AUTS2: variants seen among roughly 807,000 people sequenced by gnomAD.
AUTS2 encodes autism susceptibility gene 2 protein.
Under a neutral mutation model 112.4 loss-of-function variants are expected in AUTS2, and 17 were observed. The observed-to-expected ratio is 0.15, with a 90% CI of 0.10 to 0.23. AUTS2 has a LOEUF of 0.23. AUTS2 is among the 10% of genes least tolerant of loss of function. The probability of loss-of-function intolerance (pLI) is 1.00; values close to 1 mark genes in which losing one functional copy is unlikely to be tolerated. For synonymous variants in AUTS2, 751 were observed against 702.7 expected (o/e 1.07, Z -1.09); for missense variants, 1,510 against 1,701.6 (o/e 0.89, Z 1.98).
At chr7:70,470,391 G>T (rs1356498020) in intron 5 of AUTS2, among the ~76,000 whole-genome samples, 13 of 152,286 alleles carry the variant, frequency 8.5e-5, no homozygotes, top group Non-Finnish European at 1.3e-4. Flanking sequence ...GATGTTTAAG[G>T]TAAAGAGAGC....
chr7:69,920,735 A>G (rs1214207928), intron 2 of AUTS2, among the ~76,000 whole-genome samples: 1 of 152,194 alleles, frequency 6.6e-6, no homozygotes, highest in African/African-American at 2.4e-5. Flanking sequence ...CACTGGCGTG[A>G]AATGGTTCTT....
In AUTS2 at chr7:70,050,478, G is replaced by A. The variant is rs533382044; in HGVS notation, c.523-67654G>A. ...CTCTTGGCATGGAGTGGGTGGTGACGTGAAGGTGAGCCCTCCAGTTCCAGC... is the reference window on the plus strand; with the variant it reads ...CTCTTGGCATGGAGTGGGTGGTGACATGAAGGTGAGCCCTCCAGTTCCAGC... On this transcript the variant is annotated intron_variant, in intron 2 of 18. Coordinates refer to ENST00000342771, the MANE Select transcript of AUTS2 (RefSeq NM_015570.4). Among the ~76,000 whole-genome samples the A allele has an allele frequency of 4.6e-5, 7 of 152,016 alleles. No individual in the cohort carries two copies. In the East Asian group the frequency reaches 5.8e-4, roughly 13 times the overall value.
chr7:70,118,427 C>T (rs994936004), intron 3 of AUTS2, 194 bp downstream of exon 3: 14 of 644,678 alleles, frequency 2.2e-5, no homozygotes, highest in African/African-American at 7.6e-5. Context: ...TCTAAAATGT[C>T]GTTTGAGCAA....
At position 70,766,490 on chromosome 7, in the gene AUTS2, T is replaced by G; in HGVS notation, c.1689+156T>G. On this transcript the variant is annotated intron_variant, in intron 9 of 18. Transcript: ENST00000342771. The surrounding 1 kb of genome is among the most constrained non-coding windows in gnomAD (Gnocchi z 4.8). ...AGGGAATGTGTCCTAGTGCCCTGCCTCAGGCAGCTCTGACTTCAGGGGCCT... is the reference window on the plus strand; with the variant it reads ...AGGGAATGTGTCCTAGTGCCCTGCCGCAGGCAGCTCTGACTTCAGGGGCCT... The G allele has an allele frequency of 1.0e-6, 1 of 961,802 alleles. No homozygotes were observed. Among genetic ancestry groups the G allele is most frequent in the South Asian group, 1.6e-5 (1 of 63,636 alleles). The allele number at this position is 961,802 out of a possible 1,614,324, so 59.6% of individuals were successfully genotyped here.
intron 6 of AUTS2, among the ~76,000 whole-genome samples, chr7:70,730,649 C>T (rs1438533437): frequency 1.3e-5 from 2 of 151,692 alleles, no homozygotes; most frequent in African/African-American, 4.8e-5. Context: ...TTTATTGATT[C>T]ATCAGTTGAC....
chr7:69,617,070 A>G (rs1178980075), intron 1 of AUTS2, among the ~76,000 whole-genome samples: 5 of 152,190 alleles, frequency 3.3e-5, no homozygotes, highest in Non-Finnish European at 1.5e-5. Context: ...ATAAACAAAT[A>G]TATAATATGT....
At chr7:69,612,809 C>T (rs1183103354) in intron 1 of AUTS2, among the ~76,000 whole-genome samples, 1 of 152,148 alleles carries the variant, frequency 6.6e-6, no homozygotes, top group Non-Finnish European at 1.5e-5. Context: ...AATGTAACCC[C>T]TGCACTCTTT....
At chr7:70,333,298 C>G (rs1342362963) in intron 4 of AUTS2, among the ~76,000 whole-genome samples, 2 of 152,114 alleles carry the variant, frequency 1.3e-5, no homozygotes, top group Non-Finnish European at 2.9e-5. Context: ...ATTAAAAAGT[C>G]AGGAAACAAC....
intron 1 of AUTS2, among the ~76,000 whole-genome samples, chr7:69,662,355 G>A (rs1042572701): frequency 2.9e-4 from 44 of 152,066 alleles, no homozygotes; most frequent in Non-Finnish European, 2.5e-4. Flanking sequence ...AGTATTGCTG[G>A]TGGTGCTCAG....
At chr7:70,708,692 A>C (rs1809873069) in intron 6 of AUTS2, among the ~76,000 whole-genome samples, 1 of 152,114 alleles carries the variant, frequency 6.6e-6, no homozygotes, top group Admixed American at 6.5e-5. Flanking sequence ...CAAACTGCAG[A>C]ATTATGTCTC....
At chr7:69,638,619 C>G (rs1244057146) in intron 1 of AUTS2, among the ~76,000 whole-genome samples, 1 of 152,186 alleles carries the variant, frequency 6.6e-6, no homozygotes, top group African/African-American at 2.4e-5. Context: ...CTTAAACTTG[C>G]ATTTCTTTTT....
chr7:70,266,369 A>G (rs1787422200), intron 4 of AUTS2, among the ~76,000 whole-genome samples: 1 of 152,140 alleles, frequency 6.6e-6, no homozygotes, highest in South Asian at 2.1e-4. Flanking sequence ...AGTGGCTGAA[A>G]TGGGGAGTGA....
At chr7:69,874,021 G>A (rs1446159318) in intron 1 of AUTS2, among the ~76,000 whole-genome samples, 1 of 152,214 alleles carries the variant, frequency 6.6e-6, no homozygotes, top group Admixed American at 6.5e-5. Context: ...TTAAAGCTAA[G>A]TAGAAGATAG....
At chr7:69,784,914 A>G (rs530883855) in intron 1 of AUTS2, among the ~76,000 whole-genome samples, 65 of 152,314 alleles carry the variant, frequency 4.3e-4, no homozygotes, top group South Asian at 8.3e-4. Flanking sequence ...CTGGGTTTAC[A>G]GTGGTAAACA....
chr7:70,323,219 G>T (rs1430386570), intron 4 of AUTS2, among the ~76,000 whole-genome samples: 1 of 152,176 alleles, frequency 6.6e-6, no homozygotes. Context: ...GTTAGCATTC[G>T]CTCAAAACAG....
chr7:70,242,959 G>A (rs1317688514), intron 4 of AUTS2, among the ~76,000 whole-genome samples: 7 of 152,098 alleles, frequency 4.6e-5, no homozygotes, highest in South Asian at 2.1e-4. Flanking sequence ...TGCAAAACCC[G>A]TAGGCCGCCT....
At chr7:70,153,661 C>T (rs1807579260) in intron 4 of AUTS2, among the ~76,000 whole-genome samples, 1 of 152,098 alleles carries the variant, frequency 6.6e-6, no homozygotes, top group Admixed American at 6.5e-5. Flanking sequence ...AGATGTCTGC[C>T]TCTTTTCCTA....
intron 4 of AUTS2, among the ~76,000 whole-genome samples, chr7:70,215,284 GAAAATA>G (rs2129589690): frequency 6.6e-6 from 1 of 152,200 alleles, no homozygotes; most frequent in South Asian, 2.1e-4. Flanking sequence ...TTTCTCTAAA[GAAAATA>G]AAAATAAAAC....
intron 2 of AUTS2, among the ~76,000 whole-genome samples, chr7:69,922,978 G>A (rs1404626192): frequency 1.3e-5 from 2 of 152,134 alleles, no homozygotes; most frequent in East Asian, 1.9e-4. Context: ...AAATTAACAT[G>A]CTTTAAAGTG....
Sources: gnomAD v4.1 joint callset for allele counts (sites outside exome capture counted in the v4.1 genomes callset) on GRCh38, gnomAD v4.1.1 for gene constraint, Gnocchi (gnomAD v3.1) non-coding constraint, MANE v1.5 for transcripts, NCBI Gene and HGNC (gene_info 2026-07-23, HGNC 2026-07-21) for gene names.